CRACDL: variants seen among roughly 807,000 people sequenced by gnomAD.
The protein encoded by CRACDL is CRACD-like protein.
In CRACDL, 26 loss-of-function variants were observed where a neutral mutation model predicts 70.6. The ratio of observed to expected loss-of-function variants is 0.37; its 90% CI spans 0.27 to 0.51. CRACDL has a LOEUF of 0.51. CRACDL is among the 20% of genes least tolerant of loss of function. The pLI, the probability that CRACDL is intolerant of heterozygous loss-of-function variation, is 0.94. For synonymous variants in CRACDL, 618 were observed against 615.2 expected (o/e 1.00, Z -0.07); for missense variants, 1,283 against 1,376.9 (o/e 0.93, Z 1.08).
intron 1 of CRACDL, among the ~76,000 whole-genome samples, chr2:98,934,195 CTTT>C (rs34592936): frequency 4.0e-4 from 32 of 80,058 alleles, no homozygotes; most frequent in African/African-American, 4.8e-4. Context: ...AAGATTCATC[CTTT>C]TTTTTTTTTT....
At chr2:98,887,806 A>G (rs1047003507) in intron 1 of CRACDL, among the ~76,000 whole-genome samples, 3 of 152,256 alleles carry the variant, frequency 2.0e-5, no homozygotes, top group Admixed American at 2.0e-4. Flanking sequence ...TAACTGATTT[A>G]TCATGAAAAG....
intron 5 of CRACDL, among the ~76,000 whole-genome samples, chr2:98,827,626 A>G (rs1705364830): frequency 6.6e-6 from 1 of 152,220 alleles, no homozygotes; most frequent in Admixed American, 6.5e-5. Context: ...GGAGGGGTCT[A>G]GGATCCTTCT....
At chr2:98,867,508 C>T (rs1707193890) in intron 1 of CRACDL, among the ~76,000 whole-genome samples, 1 of 152,024 alleles carries the variant, frequency 6.6e-6, no homozygotes, top group Non-Finnish European at 1.5e-5. Context: ...ATTTGAAAAA[C>T]ATTAGTTTAG....
intron 7 of CRACDL, among the ~76,000 whole-genome samples, chr2:98,815,994 C>T (rs200223382): frequency 1.3e-5 from 2 of 152,316 alleles, no homozygotes; most frequent in East Asian, 3.9e-4. Flanking sequence ...CTGGTGTTCA[C>T]TTGGAGTAGG....
At position 98,936,181 on chromosome 2, in the gene CRACDL, C is replaced by T. The variant is rs1709202918; in HGVS notation, c.-254G>A. 6.6e-6 allele frequency: 1 copy of T among 150,842 alleles called. No individual in the cohort carries two copies. The highest frequency in any genetic ancestry group is 6.6e-5 in the Admixed American group (1 of 15,146). The allele number at this position is 150,842 out of a possible 1,614,324, so 9.3% of individuals were successfully genotyped here. A position where few individuals can be genotyped will look rare whatever the true frequency, so the allele number is the denominator to read the frequency against. On this transcript the variant is annotated 5_prime_UTR_variant, in exon 1 of 10. Coordinates refer to ENST00000397899, the MANE Select transcript of CRACDL (RefSeq NM_207362.3). ...CCCTGCGCCCGGCGCGCTCCCAGCTCCCAGCTCCCAGCTGCAGGCGCGCCG... is the reference window on the plus strand; with the variant it reads ...CCCTGCGCCCGGCGCGCTCCCAGCTTCCAGCTCCCAGCTGCAGGCGCGCCG...
chr2:98,913,933 T>C (rs182393125), intron 1 of CRACDL, among the ~76,000 whole-genome samples: 64 of 152,356 alleles, frequency 4.2e-4, no homozygotes, highest in African/African-American at 1.5e-3. Context: ...CCCAACTCCA[T>C]GGTTTACGCT....
intron 1 of CRACDL, among the ~76,000 whole-genome samples, chr2:98,847,785 G>A (rs1331068694): frequency 6.6e-6 from 1 of 152,186 alleles, no homozygotes; most frequent in Non-Finnish European, 1.5e-5. Context: ...ACTTAAAAAG[G>A]GGGGCTTGAA....
chr2:98,866,143 A>G (rs1707130177), intron 1 of CRACDL, among the ~76,000 whole-genome samples: 1 of 152,228 alleles, frequency 6.6e-6, no homozygotes, highest in African/African-American at 2.4e-5. Context: ...AAACTAGAGA[A>G]TATTCAGATG....
chr2:98,848,942 G>C (rs1452107023), intron 1 of CRACDL, among the ~76,000 whole-genome samples: 1 of 152,222 alleles, frequency 6.6e-6, no homozygotes, highest in Non-Finnish European at 1.5e-5. Context: ...TAGCAGAGCA[G>C]ATATGGCGTC....
At chr2:98,877,034 C>A (rs1707503931) in intron 1 of CRACDL, among the ~76,000 whole-genome samples, 1 of 152,224 alleles carries the variant, frequency 6.6e-6, no homozygotes, top group South Asian at 2.1e-4. Context: ...CATTACCTGC[C>A]CTTGGCAGAA....
intron 1 of CRACDL, among the ~76,000 whole-genome samples, chr2:98,873,413 C>T (rs902050680): frequency 8.5e-5 from 13 of 152,246 alleles, no homozygotes; most frequent in African/African-American, 3.1e-4. Flanking sequence ...CAGAACACAG[C>T]TTCCCTTCTG....
chr2:98,922,023 T>C (rs770900870), intron 1 of CRACDL, among the ~76,000 whole-genome samples: 1 of 152,270 alleles, frequency 6.6e-6, no homozygotes, highest in South Asian at 2.1e-4. Flanking sequence ...AATATATTAA[T>C]AGTATATATT....
rs928228749 is a variant in CRACDL at position 98,822,491 on chromosome 2, G to T, written c.1782C>A (p.Ala594=). The change falls in exon 7 of 10, where the codon GCC becomes GCA. Residue 594 remains alanine, a synonymous_variant. Coordinates refer to ENST00000397899, the MANE Select transcript of CRACDL (RefSeq NM_207362.3). This position sits in a 1 kb window ranked among gnomAD's most constrained non-coding sequence, Gnocchi z 4.9. The part of the protein sequence containing the change: ...RPGVSRPLER[A]SGRLPLARSG... ...TCCTCGCGAGGGGCAGGCGGCCGCT[G>T]GCCCGTTCCAGCGGGCGGGAGACGC... 2.3e-5 allele frequency: 33 copies of T among 1,463,278 alleles called. No individual in the cohort carries two copies. In the African/African-American group the frequency reaches 4.6e-4, roughly 20 times the overall value. The allele number at this position is 1,463,278 out of a possible 1,614,324, so 90.6% of individuals were successfully genotyped here.
chr2:98,875,206 G>A (rs1355021344), intron 1 of CRACDL, among the ~76,000 whole-genome samples: 1 of 152,212 alleles, frequency 6.6e-6, no homozygotes, highest in Non-Finnish European at 1.5e-5. Context: ...TGTACACCAC[G>A]AGTCACAGAA....
intron 1 of CRACDL, among the ~76,000 whole-genome samples, chr2:98,915,730 G>A (rs982179412): frequency 2.0e-5 from 3 of 152,172 alleles, no homozygotes; most frequent in East Asian, 3.9e-4. Context: ...TGAGTGACAC[G>A]TGGAAGTTAG....
At chr2:98,929,386 G>C (rs1244886090) in intron 1 of CRACDL, among the ~76,000 whole-genome samples, 1 of 152,206 alleles carries the variant, frequency 6.6e-6, no homozygotes, top group Non-Finnish European at 1.5e-5. Flanking sequence ...CAGACCTTGT[G>C]TGTAGTCGCA....
At chr2:98,835,922 C>G (rs1705758865) in intron 3 of CRACDL, among the ~76,000 whole-genome samples, 1 of 152,206 alleles carries the variant, frequency 6.6e-6, no homozygotes, top group African/African-American at 2.4e-5. Context: ...ACCCACTGCT[C>G]AGAAAGCAGG....
At chr2:98,798,209 G>A (rs1703915293) in intron 7 of CRACDL, among the ~76,000 whole-genome samples, 1 of 152,046 alleles carries the variant, frequency 6.6e-6, no homozygotes, top group Non-Finnish European at 1.5e-5. Context: ...GCTGGGCATG[G>A]TGGCACATGC....
intron 1 of CRACDL, among the ~76,000 whole-genome samples, chr2:98,851,385 C>G (rs1314578305): frequency 6.6e-6 from 1 of 152,162 alleles, no homozygotes; most frequent in Non-Finnish European, 1.5e-5. Flanking sequence ...CTTTGAATAT[C>G]AATTCATTTA....
Sources: allele counts gnomAD v4.1 joint callset (sites outside exome capture counted in the v4.1 genomes callset), GRCh38; gene constraint gnomAD v4.1.1; non-coding constraint Gnocchi (gnomAD v3.1); transcripts MANE v1.5; gene names NCBI Gene and HGNC (gene_info 2026-07-23, HGNC 2026-07-21).